The following NTM variants were observed in gnomAD, a reference collection of about 807,000 sequenced individuals.
The protein encoded by NTM is IgLON family member 2.
In NTM, 13 loss-of-function variants were observed where a neutral mutation model predicts 42.1. The observed-to-expected ratio is 0.31, with a 90% CI of 0.20 to 0.49. The LOEUF (loss-of-function observed/expected upper bound fraction) is 0.49. Among genes scored for constraint, NTM ranks in the 20% least tolerant of loss-of-function variants. The pLI is 0.99. For missense variants in NTM, 373 were observed against 452.8 expected (o/e 0.82, Z 1.60); for synonymous variants, 187 against 179.2 (o/e 1.04, Z -0.35).
intron 1 of NTM, among the ~76,000 whole-genome samples, chr11:131,742,015 G>T (rs112455576): frequency 1.3e-5 from 2 of 152,138 alleles, no homozygotes; most frequent in African/African-American, 4.8e-5. Flanking sequence ...ATGAGTAGGA[G>T]CTAAATGATG....
chr11:132,082,263 G>A (rs1404953696), intron 2 of NTM, among the ~76,000 whole-genome samples: 2 of 152,030 alleles, frequency 1.3e-5, no homozygotes, highest in Non-Finnish European at 2.9e-5. Context: ...ATTGAAAGGT[G>A]AGGAGGGTGG....
At chr11:131,393,097 C>T (rs1039063383) in intron 1 of NTM, among the ~76,000 whole-genome samples, 2 of 152,180 alleles carry the variant, frequency 1.3e-5, no homozygotes, top group Non-Finnish European at 2.9e-5. Context: ...CTTATTCAGA[C>T]GGGCTCTCTC....
intron 1 of NTM, among the ~76,000 whole-genome samples, chr11:131,906,795 T>C (rs1361513119): frequency 1.3e-5 from 2 of 151,752 alleles, no homozygotes; most frequent in Non-Finnish European, 2.9e-5. Flanking sequence ...CTCAGTTCTC[T>C]CTATTTGTGA....
intron 1 of NTM, among the ~76,000 whole-genome samples, chr11:131,677,163 G>A (rs901610480): frequency 2.6e-5 from 4 of 152,158 alleles, no homozygotes; most frequent in Admixed American, 2.0e-4. Flanking sequence ...GCCCTGCCCT[G>A]CTTGCAAGCA....
intron 2 of NTM, among the ~76,000 whole-genome samples, chr11:131,990,171 G>T (rs1185981488): frequency 1.3e-5 from 2 of 151,996 alleles, no homozygotes; most frequent in African/African-American, 4.8e-5. Flanking sequence ...ATTTTTAAAC[G>T]TTTTCAACTC....
chr11:132,128,043 C>G (rs1411845166), intron 2 of NTM, among the ~76,000 whole-genome samples: 1 of 152,186 alleles, frequency 6.6e-6, no homozygotes, highest in African/African-American at 2.4e-5. Context: ...TCCATATGTC[C>G]TCTCCTTTTC....
intron 2 of NTM, among the ~76,000 whole-genome samples, chr11:132,088,877 T>C (rs1242895268): frequency 6.6e-6 from 1 of 151,168 alleles, no homozygotes; most frequent in Non-Finnish European, 1.5e-5. Context: ...TTTTTTGCAT[T>C]ATTAACTGAA....
chr11:131,379,925 C>A (rs897776097), intron 1 of NTM, among the ~76,000 whole-genome samples: 1 of 152,138 alleles, frequency 6.6e-6, no homozygotes, highest in Non-Finnish European at 1.5e-5. Context: ...TATTAGAGCC[C>A]AGCATATTAT....
At chr11:131,671,419 C>A (rs2134640743) in intron 1 of NTM, 1 of 985,242 alleles carries the variant, frequency 1.0e-6, no homozygotes, top group Non-Finnish European at 1.2e-6. Flanking sequence ...TCACAGGATC[C>A]ACCACAGCTC....
At chr11:131,607,354 C>T (rs917848732) in intron 1 of NTM, among the ~76,000 whole-genome samples, 1 of 152,132 alleles carries the variant, frequency 6.6e-6, no homozygotes, top group Non-Finnish European at 1.5e-5. Context: ...CCTCCCTGTG[C>T]TGTGTTTTGT....
At chr11:131,414,196 GAC>G (rs1946713110) in intron 1 of NTM, among the ~76,000 whole-genome samples, 1 of 152,204 alleles carries the variant, frequency 6.6e-6, no homozygotes, top group South Asian at 2.1e-4. Context: ...AAACTCTAGA[GAC>G]ACATGTTACA....
intron 1 of NTM, among the ~76,000 whole-genome samples, chr11:131,587,017 C>T (rs2058926890): frequency 6.6e-6 from 1 of 152,082 alleles, no homozygotes; most frequent in Non-Finnish European, 1.5e-5. Flanking sequence ...AGCAGAAGTA[C>T]TCAGAAAAGA....
At chr11:131,377,411 C>A (rs572603681) in intron 1 of NTM, among the ~76,000 whole-genome samples, 1 of 152,138 alleles carries the variant, frequency 6.6e-6, no homozygotes, top group Non-Finnish European at 1.5e-5. Flanking sequence ...AACTGGAGGG[C>A]CAAGAAGATA....
chr11:131,837,992 A>G (rs1363966942), intron 1 of NTM, among the ~76,000 whole-genome samples: 2 of 152,214 alleles, frequency 1.3e-5, no homozygotes, highest in Admixed American at 6.5e-5. Flanking sequence ...TGTGTTTTGA[A>G]TAGTCAATTT....
At position 132,051,755 on chromosome 11, in the gene NTM, G is replaced by T. The variant is rs150928845; in HGVS notation, c.168-94527G>T. 1.3e-5 allele frequency among the ~76,000 whole-genome samples: 2 copies of T among 152,272 alleles called. 1 individual carries two copies. The highest frequency in any genetic ancestry group is 4.1e-4 in the South Asian group (2 of 4,834). On this transcript the variant is annotated intron_variant, in intron 2 of 8. Coordinates refer to ENST00000683400, the MANE Select transcript of NTM (RefSeq NM_001352005.2). Reference sequence around the variant, plus strand: ...TCCTCACTGCTCATCTAACTACTCCGTCTACAGTTCTGATCCGGAATGTGA... The same window carrying T: ...TCCTCACTGCTCATCTAACTACTCCTTCTACAGTTCTGATCCGGAATGTGA...
intron 2 of NTM, among the ~76,000 whole-genome samples, chr11:132,075,349 C>T (rs140799596): frequency 2.9e-4 from 44 of 152,268 alleles, no homozygotes; most frequent in African/African-American, 9.6e-4. Flanking sequence ...AAATTTTAAT[C>T]AATACATATT....
intron 1 of NTM, among the ~76,000 whole-genome samples, chr11:131,721,684 G>A (rs117312574): frequency 1.3e-5 from 2 of 152,080 alleles, no homozygotes; most frequent in African/African-American, 2.4e-5. Context: ...AATATCTTAG[G>A]GTTTCTGTGA....
At chr11:132,173,998 C>T (rs1009980110) in intron 3 of NTM, among the ~76,000 whole-genome samples, 1 of 152,198 alleles carries the variant, frequency 6.6e-6, no homozygotes, top group African/African-American at 2.4e-5. Context: ...GTCCTACTCT[C>T]TTTAGGCTTG....
chr11:132,207,922 T>TTCTGCATCTA (rs2082231523), intron 3 of NTM, among the ~76,000 whole-genome samples: 1 of 152,206 alleles, frequency 6.6e-6, no homozygotes. Flanking sequence ...AATATTAGGC[T>TTCTGCATCTA]TCTGCATCTA....
Sources: allele counts gnomAD v4.1 joint callset (sites outside exome capture counted in the v4.1 genomes callset), GRCh38; gene constraint gnomAD v4.1.1; transcripts MANE v1.5; gene names NCBI Gene and HGNC (gene_info 2026-07-23, HGNC 2026-07-21).